The following EPS15L1 variants were observed in gnomAD, a reference collection of about 807,000 sequenced individuals.
EPS15L1 encodes epidermal growth factor receptor substrate 15-like 1.
A neutral mutation model predicts 117.1 loss-of-function variants in EPS15L1; 43 were observed. The observed-to-expected ratio is 0.37, with a 90% confidence interval of 0.29 to 0.47. The LOEUF is 0.47. EPS15L1 is among the 20% of genes least tolerant of loss of function. The probability of loss-of-function intolerance (pLI) is 0.99; values close to 1 mark genes in which losing one functional copy is unlikely to be tolerated. For missense variants in EPS15L1, 981 were observed against 1,164.0 expected (o/e 0.84, Z 2.29); for synonymous variants, 459 against 470.5 (o/e 0.98, Z 0.32).
chr19:16,374,871 A>G (rs951840976), intron 22 of EPS15L1, among the ~76,000 whole-genome samples: 2 of 152,174 alleles, frequency 1.3e-5, no homozygotes. Context: ...ACGCACGCAT[A>G]TGTGTGTGCA....
intron 1 of EPS15L1, among the ~76,000 whole-genome samples, chr19:16,445,518 C>T (rs1426484797): frequency 6.6e-6 from 1 of 152,232 alleles, no homozygotes; most frequent in Non-Finnish European, 1.5e-5. Flanking sequence ...TTATGCCAGG[C>T]TTCTTCCCAG....
rs554767904 is a variant in EPS15L1, at chr19:16,471,008, A to G, written c.33+905T>C. On this transcript the variant is annotated intron_variant, in intron 1 of 23. Transcript: ENST00000455140. This position sits in a 1 kb window ranked among gnomAD's most constrained non-coding sequence, Gnocchi z 4.8. The stretch of plus-strand genomic sequence containing the variant: ...CAGAGAAATCGGGGCTGGAGCCAAG[A>G]TTTGAACACATGATCTGACCCTGTG... 6.6e-6 allele frequency among the ~76,000 whole-genome samples: 1 copy of G among 152,338 alleles called. No individual in the cohort carries two copies. Among genetic ancestry groups the G allele is most frequent in the African/African-American group, 2.4e-5 (1 of 41,586 alleles).
intron 22 of EPS15L1, among the ~76,000 whole-genome samples, chr19:16,363,571 C>G (rs2092090217): frequency 6.6e-6 from 1 of 152,250 alleles, no homozygotes; most frequent in Non-Finnish European, 1.5e-5. Flanking sequence ...TCCGGGGCTA[C>G]AGCCCCCATC....
At chr19:16,387,775 A>G (rs564938126) in intron 19 of EPS15L1, among the ~76,000 whole-genome samples, 49 of 152,138 alleles carry the variant, frequency 3.2e-4, no homozygotes, top group Non-Finnish European at 5.7e-4. Context: ...CAAACAAACA[A>G]AAAAAAACCC....
intron 1 of EPS15L1, among the ~76,000 whole-genome samples, chr19:16,452,742 C>A (rs939015014): frequency 6.6e-6 from 1 of 151,680 alleles, no homozygotes; most frequent in Admixed American, 6.6e-5. Context: ...TGTAAATGGG[C>A]AGTGGGTACA....
rs2092390512 is a variant in EPS15L1, at chr19:16,383,872, C to T, written c.2247+1257G>A. On this transcript the variant is annotated intron_variant, in intron 21 of 23. Transcript: ENST00000455140. This position sits in a 1 kb window ranked among gnomAD's most constrained non-coding sequence, Gnocchi z 5.2. ...GGAGACTGCCCAGTCACACTGGCAC[C>T]TGGGGCACCTGGGCATGGGGCCGGT... 6.6e-6 allele frequency: 1 copy of T among 152,334 alleles called. No individual in the cohort carries two copies. The allele number at this position is 152,334 out of a possible 1,614,324, so 9.4% of individuals were successfully genotyped here.
intron 8 of EPS15L1, among the ~76,000 whole-genome samples, chr19:16,426,519 A>G (rs2092874289): frequency 6.6e-6 from 1 of 152,172 alleles, no homozygotes; most frequent in Admixed American, 6.5e-5. Flanking sequence ...GGCACCTATA[A>G]TCCCAGTTAC....
rs914685222 is a variant in EPS15L1 at position 16,360,173 on chromosome 19, G to A, written c.2586+1606C>T. Among the ~76,000 whole-genome samples the A allele has an allele frequency of 6.6e-5, 10 of 151,524 alleles. 1 individual carries two copies. The highest frequency in any genetic ancestry group is 4.1e-4 in the South Asian group (2 of 4,824). On this transcript the variant is annotated intron_variant, in intron 23 of 23. Transcript: ENST00000455140. ...AGAACAGTCATTTCTTCAAGCTGCC[G>A]TTCACCCCACTTACCTAACTCTTCC...
At chr19:16,456,518 G>A (rs1011649768) in intron 1 of EPS15L1, among the ~76,000 whole-genome samples, 5 of 151,930 alleles carry the variant, frequency 3.3e-5, no homozygotes, top group East Asian at 1.9e-4. Context: ...TTAGCTGGGC[G>A]TGGTGGCGGG....
rs1302087897 is a variant in EPS15L1 at position 16,402,351 on chromosome 19, G to A, written c.1761C>T (p.Ser587=). ...CTCCAAAACTGCCCCTCTCTGCCAG[G>A]GAGACGCCTTCGCTCAGGTTGGCCA... ...TDLANLSEGV[S]LAERGSFGAM... Residue 587 remains serine, a synonymous_variant, in exon 16 of 24, where the codon TCC becomes TCT. Coordinates refer to ENST00000455140, the MANE Select transcript of EPS15L1 (RefSeq NM_001258374.3). The A allele has an allele frequency of 1.2e-6, 2 of 1,613,400 alleles. No individual in the cohort carries two copies. The highest frequency in any genetic ancestry group is 1.1e-5 in the South Asian group (1 of 91,008).
At chr19:16,464,791 A>T (rs2093285712) in intron 1 of EPS15L1, among the ~76,000 whole-genome samples, 1 of 144,854 alleles carries the variant, frequency 6.9e-6, no homozygotes. Flanking sequence ...GATGAGCTTT[A>T]AAAAATTCAC....
intron 1 of EPS15L1, among the ~76,000 whole-genome samples, chr19:16,461,671 C>T (rs763366986): frequency 2.0e-5 from 3 of 152,094 alleles, no homozygotes; most frequent in Non-Finnish European, 4.4e-5. Context: ...TACAGATTGG[C>T]GTAATGACAG....
At chr19:16,438,934 C>T (rs2145058908) in intron 4 of EPS15L1, among the ~76,000 whole-genome samples, 1 of 152,224 alleles carries the variant, frequency 6.6e-6, no homozygotes, top group South Asian at 2.1e-4. Flanking sequence ...CCCTGCCCAC[C>T]CCCAGTGGCC....
At position 16,355,649 on chromosome 19, in the gene EPS15L1, A is replaced by G; in HGVS notation, c.*56T>C. 1 of 1,516,672 alleles carries G rather than the reference A, an allele frequency of 6.6e-7. No homozygotes were observed. Among genetic ancestry groups the G allele is most frequent in the Admixed American group, 2.0e-5 (1 of 50,232 alleles). The allele number at this position is 1,516,672 out of a possible 1,614,324, so 94.0% of individuals were successfully genotyped here. A position where few individuals can be genotyped will look rare whatever the true frequency, so the allele number is the denominator to read the frequency against. On this transcript the variant is annotated 3_prime_UTR_variant, in exon 24 of 24. Coordinates refer to ENST00000455140, the MANE Select transcript of EPS15L1 (RefSeq NM_001258374.3). ...TGTGTGTGTATATATAGACATCTGC[A>G]CTGCCCCCTCTCTGGAACCCGCCCG...
intron 7 of EPS15L1, among the ~76,000 whole-genome samples, chr19:16,431,408 A>T (rs2092926237): frequency 6.6e-6 from 1 of 151,028 alleles, no homozygotes; most frequent in Admixed American, 6.6e-5. Context: ...GATTCAAGCG[A>T]TTCTCCTGCC....
chr19:16,368,813 G>C (rs1434020987), intron 22 of EPS15L1, among the ~76,000 whole-genome samples: 1 of 152,044 alleles, frequency 6.6e-6, no homozygotes, highest in Non-Finnish European at 1.5e-5. Flanking sequence ...CTACACAACA[G>C]GTGATCCCAC....
intron 19 of EPS15L1, among the ~76,000 whole-genome samples, chr19:16,389,700 A>G (rs1476090033): frequency 6.6e-6 from 1 of 152,222 alleles, no homozygotes; most frequent in Admixed American, 6.5e-5. Flanking sequence ...ATGTATTTAG[A>G]TGTATGAAAT....
At chr19:16,465,886 T>A (rs544475517) in intron 1 of EPS15L1, among the ~76,000 whole-genome samples, 1 of 151,944 alleles carries the variant, frequency 6.6e-6, no homozygotes, top group South Asian at 2.1e-4. Flanking sequence ...TATGGTGCAA[T>A]GAAGAGGCCT....
intron 1 of EPS15L1, among the ~76,000 whole-genome samples, chr19:16,456,059 G>C (rs1254352999): frequency 1.3e-5 from 2 of 152,006 alleles, no homozygotes; most frequent in African/African-American, 4.8e-5. Flanking sequence ...AATTAGCTAG[G>C]CATGGTGGCA....
Sources: allele counts gnomAD v4.1 joint callset (sites outside exome capture counted in the v4.1 genomes callset), GRCh38; gene constraint gnomAD v4.1.1; non-coding constraint Gnocchi (gnomAD v3.1); transcripts MANE v1.5; gene names NCBI Gene and HGNC (gene_info 2026-07-23, HGNC 2026-07-21).